The following STAG1 variants were observed in gnomAD, a reference collection of about 807,000 sequenced individuals.
STAG1 encodes the protein STAG1 cohesin complex component.
STAG1 carries 26 observed loss-of-function variants against 170.9 expected under a neutral mutation model. The ratio of observed to expected loss-of-function variants is 0.15; its 90% CI spans 0.11 to 0.21. The LOEUF is 0.21. Among genes scored for constraint, STAG1 ranks in the 10% least tolerant of loss-of-function variants. The pLI is 1.00. For missense variants in STAG1, 964 were observed against 1,509.5 expected (o/e 0.64, Z 5.99); for synonymous variants, 514 against 497.7 (o/e 1.03, Z -0.44).
chr3:136,596,344 T>TTATG (rs1483428144), intron 4 of STAG1, among the ~76,000 whole-genome samples: 3 of 152,244 alleles, frequency 2.0e-5, no homozygotes, highest in Non-Finnish European at 4.4e-5. Context: ...AGCAAAAAGA[T>TTATG]TATGACTCAC....
intron 3 of STAG1, among the ~76,000 whole-genome samples, chr3:136,606,993 G>A (rs1477483168): frequency 6.6e-6 from 1 of 151,634 alleles, no homozygotes; most frequent in Non-Finnish European, 1.5e-5. Flanking sequence ...CTCGTGATCC[G>A]CCCACCTCAG....
intron 5 of STAG1, among the ~76,000 whole-genome samples, chr3:136,550,395 C>T (rs1387725313): frequency 6.6e-6 from 1 of 151,768 alleles, no homozygotes; most frequent in Non-Finnish European, 1.5e-5. Flanking sequence ...GCAAGCTCTG[C>T]CTCCCGGATT....
intron 1 of STAG1, among the ~76,000 whole-genome samples, chr3:136,747,653 C>T (rs980630007): frequency 2.0e-5 from 3 of 152,118 alleles, no homozygotes; most frequent in Non-Finnish European, 4.4e-5. Flanking sequence ...GCACTCCAGC[C>T]TGAGTGACAG....
chr3:136,526,780 C>T (rs1398335185), intron 6 of STAG1, among the ~76,000 whole-genome samples: 1 of 152,176 alleles, frequency 6.6e-6, no homozygotes, highest in African/African-American at 2.4e-5. Context: ...TCTTGTAGGG[C>T]AGGCTTGGTG....
At chr3:136,494,353 C>A (rs1932956818) in intron 9 of STAG1, among the ~76,000 whole-genome samples, 1 of 152,124 alleles carries the variant, frequency 6.6e-6, no homozygotes, top group Non-Finnish European at 1.5e-5. Context: ...AAAACCTTTA[C>A]ACAAAGAAAA....
chr3:136,613,636 G>A (rs1411747552), intron 3 of STAG1, among the ~76,000 whole-genome samples: 1 of 152,062 alleles, frequency 6.6e-6, no homozygotes, highest in East Asian at 1.9e-4. Context: ...ACAGGTGTGT[G>A]CCACCACACC....
At chr3:136,565,796 G>A (rs1480627041) in intron 5 of STAG1, among the ~76,000 whole-genome samples, 1 of 152,188 alleles carries the variant, frequency 6.6e-6, no homozygotes, top group African/African-American at 2.4e-5. Flanking sequence ...TTCAACAGAT[G>A]AATGGATAAA....
chr3:136,587,616 A>G (rs1937902838), intron 4 of STAG1, among the ~76,000 whole-genome samples: 1 of 151,068 alleles, frequency 6.6e-6, no homozygotes, highest in Non-Finnish European at 1.5e-5. Flanking sequence ...ATTACTTTTC[A>G]TCCTAGGAAA....
chr3:136,729,286 G>A (rs998232392), intron 1 of STAG1, among the ~76,000 whole-genome samples: 1 of 152,088 alleles, frequency 6.6e-6, no homozygotes, highest in African/African-American at 2.4e-5. Context: ...GATTACAAGA[G>A]TGAGCCACCA....
At chr3:136,619,251 C>T (rs1939735985) in intron 3 of STAG1, among the ~76,000 whole-genome samples, 1 of 150,218 alleles carries the variant, frequency 6.7e-6, no homozygotes, top group African/African-American at 2.5e-5. Flanking sequence ...AATTAAAACA[C>T]CATTCACTCA....
Position 136,340,613 on chromosome 3 carries a change from G to A in STAG1, c.3558-8C>T. On this transcript the variant is annotated splice_polypyrimidine_tract_variant and splice_region_variant and intron_variant, in intron 31 of 33. Coordinates refer to ENST00000383202, the MANE Select transcript of STAG1 (RefSeq NM_005862.3). The stretch of plus-strand genomic sequence containing the variant: ...TCCTCCATTAGACCCCGACTGGTAA[G>A]AAAAAGGTATTGTCAGAAAGCTCAT... The A allele has an allele frequency of 6.3e-7, 1 of 1,580,258 alleles. No individual in the cohort carries two copies. Among genetic ancestry groups the A allele is most frequent in the African/African-American group, 1.3e-5 (1 of 74,380 alleles).
intron 16 of STAG1, among the ~76,000 whole-genome samples, chr3:136,425,516 T>C (rs1325360413): frequency 1.3e-5 from 2 of 152,062 alleles, no homozygotes; most frequent in African/African-American, 4.8e-5. Context: ...ATAAGATTTC[T>C]CTGACTATAT....
chr3:136,391,849 C>A (rs181077279), intron 22 of STAG1, among the ~76,000 whole-genome samples: 548 of 152,284 alleles, frequency 3.6e-3, no homozygotes, highest in Non-Finnish European at 5.5e-3. Context: ...TGTAAGACTG[C>A]CCCAGAGCTT....
At chr3:136,526,907 G>A (rs1360707360) in intron 6 of STAG1, among the ~76,000 whole-genome samples, 2 of 152,200 alleles carry the variant, frequency 1.3e-5, no homozygotes, top group East Asian at 3.8e-4. Flanking sequence ...CTTTAAGAAT[G>A]TTGAATGTTG....
At chr3:136,489,139 A>G (rs2090073662) in intron 9 of STAG1, among the ~76,000 whole-genome samples, 1 of 152,238 alleles carries the variant, frequency 6.6e-6, no homozygotes. Context: ...AGAATAATTC[A>G]GGTGCAATTC....
intron 22 of STAG1, among the ~76,000 whole-genome samples, chr3:136,379,334 A>G (rs1000648422): frequency 3.3e-5 from 5 of 152,198 alleles, no homozygotes; most frequent in African/African-American, 4.8e-5. Context: ...CCCAAAGAAG[A>G]TAACATGTAA....
intron 1 of STAG1, among the ~76,000 whole-genome samples, chr3:136,751,660 G>A (rs1935248255): frequency 6.6e-6 from 1 of 152,050 alleles, no homozygotes; most frequent in African/African-American, 2.4e-5. Flanking sequence ...GACCCCCCAG[G>A]CCCCTCCGCT....
At chr3:136,356,667 C>A (rs1055906516) in intron 28 of STAG1, among the ~76,000 whole-genome samples, 20 of 152,202 alleles carry the variant, frequency 1.3e-4, no homozygotes, top group African/African-American at 4.6e-4. Flanking sequence ...CTGCACCCAG[C>A]TAGAATATTA....
rs572931063 is a variant in STAG1 at position 136,712,812 on chromosome 3, C to T, written c.-84+39383G>A. On this transcript the variant is annotated intron_variant, in intron 1 of 33. Transcript: ENST00000383202. ...GTGCATTAAAAAACACATATGAGGC[C>T]GGGCACGGTGGCTCATGCCTGTAAT... Among the ~76,000 whole-genome samples the T allele has an allele frequency of 7.8e-4, 119 of 152,290 alleles. 1 individual carries two copies. In the South Asian group the frequency reaches 0.022, roughly 29 times the overall value.
Sources: gnomAD v4.1 joint callset for allele counts (sites outside exome capture counted in the v4.1 genomes callset) on GRCh38, gnomAD v4.1.1 for gene constraint, MANE v1.5 for transcripts, NCBI Gene and HGNC (gene_info 2026-07-23, HGNC 2026-07-21) for gene names.